ZDHHC22: variants seen among roughly 807,000 people sequenced by gnomAD.
The protein encoded by ZDHHC22 is zDHHC palmitoyltransferase 22, also known as palmitoyltransferase ZDHHC22.
Under a neutral mutation model 17.0 loss-of-function variants are expected in ZDHHC22, and 13 were observed. The ratio of observed to expected loss-of-function variants is 0.76; its 90% CI spans 0.50 to 1.21. ZDHHC22 has a LOEUF of 1.21. Among genes scored for constraint, ZDHHC22 ranks in the 50% most tolerant of loss-of-function variants. The pLI is 0.00. For synonymous variants in ZDHHC22, 138 were observed against 154.7 expected, an observed-to-expected ratio of 0.89 and a Z score of 0.80; for missense variants, 319 against 342.3, an observed-to-expected ratio of 0.93 and a Z score of 0.54.
intron 2 of ZDHHC22, among the ~76,000 whole-genome samples, chr14:77,136,373 T>C (rs1260443767): frequency 1.3e-5 from 2 of 152,170 alleles, no homozygotes; most frequent in Admixed American, 1.3e-4. Context: ...GTGACATGCA[T>C]AGTGGGTGGT....
intron 2 of ZDHHC22, among the ~76,000 whole-genome samples, chr14:77,135,404 A>G (rs1488983197): frequency 2.6e-5 from 4 of 151,878 alleles, no homozygotes; most frequent in Non-Finnish European, 5.9e-5. Context: ...GAGGATGTGG[A>G]TCTGATTTAG....
chr14:77,134,432 G>A (rs1188862073), intron 2 of ZDHHC22, among the ~76,000 whole-genome samples: 2 of 152,206 alleles, frequency 1.3e-5, no homozygotes, highest in African/African-American at 4.8e-5. Context: ...ACTGTTCTGG[G>A]AACGCTGGTT....
At chr14:77,141,467 C>T (rs1566813364) in intron 1 of ZDHHC22, 136 bp downstream of exon 1, 1 of 152,994 alleles carries the variant, frequency 6.5e-6, no homozygotes, top group Non-Finnish European at 1.5e-5. Flanking sequence ...GCGGCACAGC[C>T]GGAGCCTTGG....
In ZDHHC22 at chr14:77,131,299, G is replaced by A. The variant is rs1035545215; in HGVS notation, c.*2384C>T. 1.3e-5 allele frequency: 2 copies of A among 152,182 alleles called. No individual in the cohort carries two copies. The highest frequency in any genetic ancestry group is 6.5e-5 in the Admixed American group (1 of 15,282). The allele number at this position is 152,182 out of a possible 1,614,324, so 9.4% of individuals were successfully genotyped here. ...ATTTAAAACCATATATTTTATTGAT[G>A]TTCTTCAAGGACAATACAGGGCCAT... is the stretch of plus-strand genomic sequence containing the variant. On this transcript the variant is annotated 3_prime_UTR_variant, in exon 3 of 3. Transcript: ENST00000319374.
Position 77,131,274 on chromosome 14 carries a change from A to G in ZDHHC22, c.*2409T>C, listed in dbSNP as rs956539700. ...TGCCCATACAATCATATCAAATCCA[A>G]TTTAAAACCATATATTTTATTGATG... On this transcript the variant is annotated 3_prime_UTR_variant, in exon 3 of 3. Coordinates refer to ENST00000319374, the MANE Select transcript of ZDHHC22 (RefSeq NM_174976.2). The G allele has an allele frequency of 6.6e-6, 1 of 152,222 alleles. No individual in the cohort carries two copies. Among genetic ancestry groups the G allele is most frequent in the Non-Finnish European group, 1.5e-5 (1 of 68,042 alleles). 9.4% of individuals were successfully genotyped at this position (152,222 alleles called of 1,614,324 possible). A position where few individuals can be genotyped will look rare whatever the true frequency, so the allele number is the denominator to read the frequency against.
chr14:77,141,357 G>C (rs1887252276), intron 1 of ZDHHC22: 1 of 152,684 alleles, frequency 6.5e-6, no homozygotes, highest in Non-Finnish European at 1.5e-5. Flanking sequence ...CTCAGCCCTG[G>C]CCCTGCGCGG....
intron 2 of ZDHHC22, among the ~76,000 whole-genome samples, chr14:77,136,735 A>T (rs971142831): frequency 7.9e-5 from 12 of 152,120 alleles, no homozygotes; most frequent in African/African-American, 2.7e-4. Context: ...TCTGACTCAG[A>T]TCTGTACCAC....
At chr14:77,137,120 T>C (rs555590227) in intron 2 of ZDHHC22, among the ~76,000 whole-genome samples, 1 of 151,712 alleles carries the variant, frequency 6.6e-6, no homozygotes, top group Non-Finnish European at 1.5e-5. Flanking sequence ...ACAAGAGGAA[T>C]GGGAAAGGGA....
intron 2 of ZDHHC22, among the ~76,000 whole-genome samples, chr14:77,135,233 T>G (rs772521228): frequency 6.7e-6 from 1 of 150,324 alleles, no homozygotes; most frequent in African/African-American, 2.5e-5. Context: ...TTACAACCTA[T>G]TCTGCCCTTG....
In ZDHHC22 at chr14:77,139,869, C is replaced by T. The variant is rs1365479266; in HGVS notation, c.-14-117G>A. 2.7e-6 allele frequency: 3 copies of T among 1,115,948 alleles called. No individual in the cohort carries two copies. In the Admixed American group the frequency reaches 9.3e-5, roughly 34 times the overall value. The allele number at this position is 1,115,948 out of a possible 1,614,324, so 69.1% of individuals were successfully genotyped here. A position where few individuals can be genotyped will look rare whatever the true frequency, so the allele number is the denominator to read the frequency against. On this transcript the variant is annotated intron_variant, in intron 1 of 2. Coordinates refer to ENST00000319374, the MANE Select transcript of ZDHHC22 (RefSeq NM_174976.2). ...GCACGCGACTCCACGCCCCCAACCC[C>T]CTGTCCCGCGGATTTCCCCTCCCCA...
At chr14:77,136,962 G>T (rs1242352506) in intron 2 of ZDHHC22, among the ~76,000 whole-genome samples, 1 of 152,012 alleles carries the variant, frequency 6.6e-6, no homozygotes, top group Non-Finnish European at 1.5e-5. Flanking sequence ...TTTTATTTTT[G>T]TAGCAACGGA....
rs1451903159 is a variant in ZDHHC22 at position 77,139,565 on chromosome 14, C to T, written c.174G>A (p.Ser58=). 3.1e-6 allele frequency: 5 copies of T among 1,602,014 alleles called. No homozygotes were observed. The highest frequency in any genetic ancestry group is 1.7e-5 in the Admixed American group (1 of 58,134). Reference sequence around the variant, plus strand: ...GGACGTAATTGCCCAGGGCGTTGGCCGAGAGGAATAGGAAGAGCGCCCCGT... The same window carrying T: ...GGACGTAATTGCCCAGGGCGTTGGCTGAGAGGAATAGGAAGAGCGCCCCGT... ...LLHGALFLFL[S]ANALGNYVLV... Residue 58 remains serine (S), a synonymous_variant, in exon 2 of 3, where the codon TCG becomes TCA. Transcript: ENST00000319374.
upstream of ZDHHC22, chr14:77,141,903 T>G (rs1372051787): frequency 1.3e-5 from 2 of 152,306 alleles, no homozygotes; most frequent in African/African-American, 4.8e-5. Context: ...ACTTGCCCCC[T>G]CCTCCCCTCT....
At chr14:77,141,143 G>T (rs558680899) in intron 1 of ZDHHC22, 1 of 152,196 alleles carries the variant, frequency 6.6e-6, no homozygotes, top group Non-Finnish European at 1.5e-5. Flanking sequence ...GTCGCCGGGG[G>T]CTGGGCACGC....
At chr14:77,137,941 G>T (rs924147880) in intron 2 of ZDHHC22, among the ~76,000 whole-genome samples, 4 of 152,144 alleles carry the variant, frequency 2.6e-5, no homozygotes. Flanking sequence ...AAGAGCTGTG[G>T]ATTAAGGACC....
chr14:77,138,629 GGA>G (rs1887183906), intron 2 of ZDHHC22, among the ~76,000 whole-genome samples: 1 of 152,152 alleles, frequency 6.6e-6, no homozygotes, highest in African/African-American at 2.4e-5. Flanking sequence ...TCAGCAGGCT[GGA>G]GAACAGGCTG....
intron 2 of ZDHHC22, among the ~76,000 whole-genome samples, chr14:77,135,476 T>A (rs1465330): frequency 0.44 from 64,353 of 145,176 alleles, 14,010 homozygotes; most frequent in Non-Finnish European, 0.49. Flanking sequence ...CTGTATTATT[T>A]TTTTTTTTTT....
chr14:77,135,155 G>T (rs1190085442), intron 2 of ZDHHC22, among the ~76,000 whole-genome samples: 14 of 146,278 alleles, frequency 9.6e-5, no homozygotes, highest in African/African-American at 3.5e-4. Context: ...CTTAGCCTTT[G>T]GTTCCCTGTA....
chr14:77,133,985 T>C (rs1887086816), intron 2 of ZDHHC22, 37 bp from the exon 3 acceptor site: 1 of 1,519,290 alleles, frequency 6.6e-7, no homozygotes. Context: ...CAGAGCCGCT[T>C]TACACCCAGG....
Sources: gnomAD v4.1 joint callset for allele counts (sites outside exome capture counted in the v4.1 genomes callset) on GRCh38, gnomAD v4.1.1 for gene constraint, MANE v1.5 for transcripts, NCBI Gene and HGNC (gene_info 2026-07-23, HGNC 2026-07-21) for gene names.